The following TANC2 variants were observed in gnomAD, a reference collection of about 807,000 sequenced individuals.
TANC2 encodes protein TANC2.
TANC2 carries 26 observed loss-of-function variants against 210.5 expected under a neutral mutation model. That is an observed-to-expected ratio of 0.12 (90% CI 0.09 to 0.17). The LOEUF is 0.17. TANC2 is among the 10% of genes least tolerant of loss of function. The pLI is 1.00. For missense variants in TANC2, 2,129 were observed against 2,608.9 expected (o/e 0.82, Z 4.01); for synonymous variants, 931 against 967.1 (o/e 0.96, Z 0.69).
At chr17:63,123,983 G>A (rs1204138852) in intron 4 of TANC2, among the ~76,000 whole-genome samples, 1 of 152,148 alleles carries the variant, frequency 6.6e-6, no homozygotes, top group Non-Finnish European at 1.5e-5. Context: ...TCACAGGCAT[G>A]AGCCACAGCG....
chr17:63,276,990 A>G (rs544064933), intron 9 of TANC2, among the ~76,000 whole-genome samples: 1 of 152,284 alleles, frequency 6.6e-6, no homozygotes, highest in South Asian at 2.1e-4. Context: ...GGAGATGGCA[A>G]AGACTGTTGA....
intron 2 of TANC2, among the ~76,000 whole-genome samples, chr17:63,048,796 T>A (rs1182333026): frequency 1.3e-5 from 2 of 152,034 alleles, no homozygotes; most frequent in African/African-American, 4.8e-5. Flanking sequence ...TAGGGCCTAC[T>A]TGAGGGTGAA....
intron 5 of TANC2, among the ~76,000 whole-genome samples, chr17:63,160,085 T>C (rs971277816): frequency 4.6e-5 from 7 of 152,252 alleles, no homozygotes; most frequent in Non-Finnish European, 7.3e-5. Flanking sequence ...GAGGTTTCTC[T>C]TCTTATAGGG....
intron 11 of TANC2, among the ~76,000 whole-genome samples, chr17:63,326,252 G>C (rs1324832340): frequency 6.6e-6 from 1 of 152,214 alleles, no homozygotes; most frequent in African/African-American, 2.4e-5. Flanking sequence ...CTTAGTGTAT[G>C]ATGAAGGCAG....
At chr17:63,408,749 A>T (rs902983203) in intron 21 of TANC2, among the ~76,000 whole-genome samples, 1 of 152,164 alleles carries the variant, frequency 6.6e-6, no homozygotes, top group African/African-American at 2.4e-5. Flanking sequence ...TGCTGAGTAA[A>T]CCCTGAGCCT....
At chr17:63,102,793 A>G (rs1055624810) in intron 4 of TANC2, among the ~76,000 whole-genome samples, 1 of 152,150 alleles carries the variant, frequency 6.6e-6, no homozygotes, top group Non-Finnish European at 1.5e-5. Context: ...TCACATATTC[A>G]TTAGCCTTGT....
intron 15 of TANC2, among the ~76,000 whole-genome samples, chr17:63,385,136 A>C (rs1043851566): frequency 6.6e-6 from 1 of 152,242 alleles, no homozygotes; most frequent in Non-Finnish European, 1.5e-5. Flanking sequence ...AGGCCCTAGC[A>C]CAGAACCTGA....
intron 11 of TANC2, among the ~76,000 whole-genome samples, chr17:63,332,730 A>G (rs756904491): frequency 9.9e-5 from 15 of 152,192 alleles, no homozygotes; most frequent in African/African-American, 3.4e-4. Context: ...AGAGAAGTCA[A>G]TGCCTGCCTT....
chr17:63,228,407 A>G (rs1453350976), intron 7 of TANC2, among the ~76,000 whole-genome samples: 1 of 152,174 alleles, frequency 6.6e-6, no homozygotes, highest in African/African-American at 2.4e-5. Context: ...TGCCTTGGCT[A>G]TACGGGCTCT....
At chr17:63,377,814 G>GATTT (rs1289174969) in intron 14 of TANC2, among the ~76,000 whole-genome samples, 3 of 152,206 alleles carry the variant, frequency 2.0e-5, no homozygotes, top group Admixed American at 6.5e-5. Context: ...AAAGAAAAGA[G>GATTT]ATTTCGTTGA....
intron 27 of TANC2, among the ~76,000 whole-genome samples, chr17:63,419,544 A>C (rs945075749): frequency 1.3e-5 from 2 of 152,244 alleles, no homozygotes; most frequent in African/African-American, 4.8e-5. Context: ...AGAGTAGAAC[A>C]GGCCTGAAAT....
intron 13 of TANC2, 102 bp downstream of exon 13, chr17:63,351,518 A>C: frequency 1.2e-6 from 1 of 865,694 alleles, no homozygotes; most frequent in Non-Finnish European, 1.6e-6. Context: ...ACTATGTCCT[A>C]GAGCATTATG....
intron 5 of TANC2, among the ~76,000 whole-genome samples, chr17:63,186,244 C>G (rs1254642530): frequency 1.3e-5 from 2 of 151,942 alleles, no homozygotes; most frequent in Admixed American, 6.6e-5. Context: ...TTTTTAAACT[C>G]TGTTCCATTG....
At chr17:63,242,783 G>T (rs1433917734) in intron 8 of TANC2, among the ~76,000 whole-genome samples, 1 of 152,112 alleles carries the variant, frequency 6.6e-6, no homozygotes, top group East Asian at 1.9e-4. Flanking sequence ...TCCATACAGT[G>T]AAATTCTACT....
At position 63,041,462 on chromosome 17, in the gene TANC2, G is replaced by GTA. The variant is rs560498502; in HGVS notation, c.67+31836_67+31837insTA. 3.3e-5 allele frequency among the ~76,000 whole-genome samples: 5 copies of GTA among 152,246 alleles called. No individual in the cohort carries two copies. In the South Asian group the frequency reaches 1.0e-3, roughly 32 times the overall value. Reference sequence around the variant, plus strand: ...TAGAGGCTTCTACAGCAGCCTGGGTGGTTAGTATCACATAAAAACAAAAAT... The same window carrying GTA: ...TAGAGGCTTCTACAGCAGCCTGGGTGTAGTTAGTATCACATAAAAACAAAAAT... On this transcript the variant is annotated intron_variant, in intron 2 of 27. Transcript: ENST00000689528.
chr17:63,129,916 A>G (rs1220937938), intron 4 of TANC2, among the ~76,000 whole-genome samples: 1 of 152,118 alleles, frequency 6.6e-6, no homozygotes, highest in Non-Finnish European at 1.5e-5. Context: ...AAACTTTTAT[A>G]GAAGTATGTG....
chr17:63,228,596 C>G (rs2042388514), intron 7 of TANC2, among the ~76,000 whole-genome samples: 1 of 152,132 alleles, frequency 6.6e-6, no homozygotes, highest in Non-Finnish European at 1.5e-5. Context: ...TGTGTCTTCT[C>G]TCATTTCCTT....
At chr17:63,113,742 A>G (rs984689908) in intron 4 of TANC2, among the ~76,000 whole-genome samples, 1 of 152,102 alleles carries the variant, frequency 6.6e-6, no homozygotes, top group Non-Finnish European at 1.5e-5. Context: ...TCCTGGGCTC[A>G]AGCAACCCTC....
chr17:63,343,515 T>C (rs1017195386), intron 12 of TANC2, among the ~76,000 whole-genome samples: 1 of 152,128 alleles, frequency 6.6e-6, no homozygotes. Flanking sequence ...TTAATGACTA[T>C]CTAGTTATTT....
Sources: allele counts gnomAD v4.1 joint callset (sites outside exome capture counted in the v4.1 genomes callset), GRCh38; gene constraint gnomAD v4.1.1; transcripts MANE v1.5; gene names NCBI Gene and HGNC (gene_info 2026-07-23, HGNC 2026-07-21).